Variants in PRKN observed in about 807,000 individuals in gnomAD.
The protein encoded by PRKN is E3 ubiquitin-protein ligase parkin.
Under a neutral mutation model 59.5 loss-of-function variants are expected in PRKN, and 56 were observed. That is an observed-to-expected ratio of 0.94 (90% CI 0.76 to 1.18). PRKN has a LOEUF of 1.18. Ranked by LOEUF, PRKN falls within the 50% of genes most tolerant of loss-of-function variation. The pLI is 0.00. For synonymous variants in PRKN, 250 were observed against 222.1 expected, an observed-to-expected ratio of 1.13 and a Z score of -1.12; for missense variants, 657 against 596.4, an observed-to-expected ratio of 1.10 and a Z score of -1.06.
chr6:162,643,023 A>G (rs1583967582), intron 1 of PRKN, among the ~76,000 whole-genome samples: 1 of 152,168 alleles, frequency 6.6e-6, no homozygotes, highest in Non-Finnish European at 1.5e-5. Flanking sequence ...TTATTTTCTA[A>G]GACCTAAATA....
Position 162,422,057 on chromosome 6 carries a change from C to T in PRKN, c.171+21253G>A, listed in dbSNP as rs1199840735. Among the ~76,000 whole-genome samples, 4 of 152,272 alleles carry T rather than the reference C, an allele frequency of 2.6e-5. No homozygotes were observed. In the East Asian group the frequency reaches 7.7e-4, roughly 29 times the overall value. ...CCACAATTTGAGCTGAGCAGCAGAT[C>T]ATGGTTTGCCACTGGGAATTCTTTA... On this transcript the variant is annotated intron_variant, in intron 2 of 11. Transcript: ENST00000366898.
At chr6:162,113,598 A>C (rs76474583) in intron 4 of PRKN, among the ~76,000 whole-genome samples, 2,196 of 152,304 alleles carry the variant, frequency 0.014, 58 homozygotes, top group African/African-American at 0.05. Flanking sequence ...AATTTTCATT[A>C]CTGATCTTTC....
intron 9 of PRKN, among the ~76,000 whole-genome samples, chr6:161,438,507 C>G (rs189520098): frequency 6.6e-5 from 10 of 152,158 alleles, no homozygotes; most frequent in Admixed American, 1.3e-4. Flanking sequence ...TCAGCCACTG[C>G]GCCCGGCTGA....
At chr6:162,517,626 A>G (rs187383403) in intron 1 of PRKN, among the ~76,000 whole-genome samples, 2 of 152,200 alleles carry the variant, frequency 1.3e-5, no homozygotes, top group Admixed American at 1.3e-4. Context: ...CCAGTGAACT[A>G]GATCATTGCG....
intron 8 of PRKN, among the ~76,000 whole-genome samples, chr6:161,558,524 C>T (rs1780330022): frequency 6.6e-6 from 1 of 151,086 alleles, no homozygotes; most frequent in Non-Finnish European, 1.5e-5. Flanking sequence ...GTGATCACAC[C>T]ACTGCACTCT....
chr6:162,051,590 TC>T (rs1777646922), intron 5 of PRKN, among the ~76,000 whole-genome samples: 1 of 152,078 alleles, frequency 6.6e-6, no homozygotes, highest in African/African-American at 2.4e-5. Flanking sequence ...CAACCCCATG[TC>T]CAGAGCACCC....
chr6:161,765,555 A>G (rs1789389388), intron 7 of PRKN, among the ~76,000 whole-genome samples: 1 of 152,134 alleles, frequency 6.6e-6, no homozygotes, highest in Admixed American at 6.5e-5. Flanking sequence ...ATAGGTAATT[A>G]CTCCTTCTAT....
At chr6:161,760,027 T>C (rs1789123807) in intron 7 of PRKN, among the ~76,000 whole-genome samples, 1 of 150,844 alleles carries the variant, frequency 6.6e-6, no homozygotes, top group Admixed American at 6.6e-5. Context: ...AATGGCCTTT[T>C]ATCTTTCTTG....
chr6:162,272,635 C>G (rs1780444789), intron 2 of PRKN, among the ~76,000 whole-genome samples: 1 of 151,994 alleles, frequency 6.6e-6, no homozygotes, highest in Non-Finnish European at 1.5e-5. Flanking sequence ...GATTAACACT[C>G]AAAATCATAT....
chr6:161,392,415 G>A (rs1398067206), intron 9 of PRKN, among the ~76,000 whole-genome samples: 3 of 151,476 alleles, frequency 2.0e-5, no homozygotes, highest in Non-Finnish European at 1.5e-5. Flanking sequence ...AATTTAACAA[G>A]GTCACTTTAT....
intron 6 of PRKN, among the ~76,000 whole-genome samples, chr6:161,939,663 C>T (rs1271489877): frequency 1.5e-4 from 23 of 149,976 alleles, no homozygotes; most frequent in African/African-American, 3.7e-4. Context: ...ACTCAGGAGG[C>T]GGAGGTTGCA....
At chr6:162,597,361 G>A (rs1022790036) in intron 1 of PRKN, among the ~76,000 whole-genome samples, 41 of 152,064 alleles carry the variant, frequency 2.7e-4, no homozygotes, top group Non-Finnish European at 5.9e-5. Flanking sequence ...TACTATTTTA[G>A]ATGTATTTTA....
At position 161,565,819 on chromosome 6, in the gene PRKN, A is replaced by G. The variant is rs1219764114; in HGVS notation, c.933+3536T>C. ...TGATGACCTAGCTTCCTGTTACACC[A>G]AGAAAAGAGAAACAACCAGCAGAGA... On this transcript the variant is annotated intron_variant, in intron 8 of 11. Coordinates refer to ENST00000366898, the MANE Select transcript of PRKN (RefSeq NM_004562.3). 2.6e-5 allele frequency among the ~76,000 whole-genome samples: 4 copies of G among 152,096 alleles called. 1 individual carries two copies. The highest frequency in any genetic ancestry group is 2.6e-4 in the Admixed American group (4 of 15,272).
rs1429443002 is a variant in PRKN, at chr6:162,634,781, G to A, written c.7+92881C>T. ...TGGGACTAAAGGCACACGCCACCATGGCCAGCTAATTTTTCTATTTTTAGT... is the reference window on the plus strand; with the variant it reads ...TGGGACTAAAGGCACACGCCACCATAGCCAGCTAATTTTTCTATTTTTAGT... On this transcript the variant is annotated intron_variant, in intron 1 of 11. Transcript: ENST00000366898. 3.9e-5 allele frequency among the ~76,000 whole-genome samples: 6 copies of A among 152,254 alleles called. No homozygotes were observed. The South Asian group carries it at 8.3e-4, about 21-fold the overall frequency.
intron 5 of PRKN, among the ~76,000 whole-genome samples, chr6:162,011,319 T>A (rs1226098005): frequency 6.0e-5 from 1 of 16,614 alleles, no homozygotes; most frequent in African/African-American, 2.8e-4. Flanking sequence ...GATATATTTT[T>A]ATAATATATA....
chr6:161,625,401 C>T lies in PRKN; in HGVS notation c.872-55985G>A, dbSNP rs184074564. On this transcript the variant is annotated intron_variant, in intron 7 of 11. Transcript: ENST00000366898. ...ACAGAGGAAGGGGAACATCACACAT[C>T]GGGGCTGGTTGGGGGATGGGGGCCT... Among the ~76,000 whole-genome samples the T allele has an allele frequency of 8.1e-5, 8 of 98,764 alleles. No individual in the cohort carries two copies. In the East Asian group the frequency reaches 9.6e-4, roughly 12 times the overall value. The allele number at this position is 98,764 out of a possible 152,430, so 64.8% of individuals were successfully genotyped here. A position where few individuals can be genotyped will look rare whatever the true frequency, so the allele number is the denominator to read the frequency against.
intron 6 of PRKN, among the ~76,000 whole-genome samples, chr6:161,968,867 T>A (rs905270838): frequency 2.6e-5 from 4 of 152,218 alleles, no homozygotes; most frequent in Non-Finnish European, 5.9e-5. Context: ...ATATTATGAA[T>A]AGTGAATGAG....
intron 6 of PRKN, among the ~76,000 whole-genome samples, chr6:161,800,770 A>C (rs1271501246): frequency 3.3e-5 from 5 of 152,238 alleles, no homozygotes; most frequent in Non-Finnish European, 7.3e-5. Context: ...GTCAAGATTC[A>C]GAGACTCATT....
Position 161,897,504 on chromosome 6 carries a change from A to G in PRKN, c.734+75798T>C, listed in dbSNP as rs370059921. 4.3e-4 allele frequency among the ~76,000 whole-genome samples: 65 copies of G among 152,346 alleles called. 1 individual carries two copies. The East Asian group carries it at 6.0e-3, about 14-fold the overall frequency. On this transcript the variant is annotated intron_variant, in intron 6 of 11. Coordinates refer to ENST00000366898, the MANE Select transcript of PRKN (RefSeq NM_004562.3). ...AAGAATGCTTCATTGGGATTAGGGA[A>G]CATAGTGGTTTGATTGATTAGACTG... is the stretch of plus-strand genomic sequence containing the variant.
Sources: allele counts gnomAD v4.1 joint callset (sites outside exome capture counted in the v4.1 genomes callset), GRCh38; gene constraint gnomAD v4.1.1; transcripts MANE v1.5; gene names NCBI Gene and HGNC (gene_info 2026-07-23, HGNC 2026-07-21).